CAMTA1: variants seen among roughly 807,000 people sequenced by gnomAD.
The protein encoded by CAMTA1 is calmodulin binding transcription activator 1.
CAMTA1 carries 27 observed loss-of-function variants against 170.9 expected under a neutral mutation model. That is an observed-to-expected ratio of 0.16 (90% CI 0.12 to 0.22). The LOEUF (loss-of-function observed/expected upper bound fraction) is 0.22. Among genes scored for constraint, CAMTA1 ranks in the 10% least tolerant of loss-of-function variants. The pLI, the probability that CAMTA1 is intolerant of heterozygous loss-of-function variation, is 1.00. For synonymous variants in CAMTA1, 833 were observed against 891.5 expected (o/e 0.93, Z 1.17); for missense variants, 1,619 against 2,217.2 (o/e 0.73, Z 5.42).
intron 4 of CAMTA1, among the ~76,000 whole-genome samples, chr1:7,239,847 A>G (rs939819140): frequency 6.6e-6 from 1 of 151,888 alleles, no homozygotes; most frequent in African/African-American, 2.4e-5. Context: ...TGGAAGGTGG[A>G]AGGGCAAGAG....
At position 7,682,030 on chromosome 1, in the gene CAMTA1, G is replaced by A. The variant is rs764169760; in HGVS notation, c.2914+4297G>A. Among the ~76,000 whole-genome samples, 9 of 140,040 alleles carry A rather than the reference G, an allele frequency of 6.4e-5. No homozygotes were observed. The highest frequency in any genetic ancestry group is 8.1e-5 in the African/African-American group (3 of 36,964). The allele number at this position is 140,040 out of a possible 152,430, so 91.9% of individuals were successfully genotyped here. The stretch of plus-strand genomic sequence containing the variant: ...GCCCTTCTTGGAACCCCACTAAGCC[G>A]CTTAGACTTAGACTCTATTTTCAGT... On this transcript the variant is annotated intron_variant, in intron 11 of 22. Coordinates refer to ENST00000303635, the MANE Select transcript of CAMTA1 (RefSeq NM_015215.4). The surrounding 1 kb of genome is among the most constrained non-coding windows in gnomAD (Gnocchi z 5.0).
At chr1:7,318,529 C>T (rs1018186393) in intron 5 of CAMTA1, among the ~76,000 whole-genome samples, 9 of 152,164 alleles carry the variant, frequency 5.9e-5, no homozygotes, top group African/African-American at 2.2e-4. Context: ...TGATTTTTCG[C>T]CTCCATCTTG....
chr1:7,714,249 A>C (rs1261705724), intron 11 of CAMTA1, among the ~76,000 whole-genome samples: 1 of 152,226 alleles, frequency 6.6e-6, no homozygotes, highest in African/African-American at 2.4e-5. Context: ...CTTAAAACCA[A>C]TGAACTATAG....
intron 4 of CAMTA1, among the ~76,000 whole-genome samples, chr1:7,185,660 G>A (rs184839221): frequency 2.0e-5 from 3 of 152,254 alleles, no homozygotes; most frequent in Admixed American, 6.5e-5. Context: ...AAGTAACATC[G>A]TGAAATCGGG....
At chr1:7,391,831 G>C (rs1235374884) in intron 5 of CAMTA1, among the ~76,000 whole-genome samples, 11 of 152,172 alleles carry the variant, frequency 7.2e-5, no homozygotes, top group Admixed American at 7.2e-4. Context: ...GTAGTTGCAT[G>C]TATCAGTACT....
chr1:7,212,945 ACTT>A (rs1190444100), intron 4 of CAMTA1, among the ~76,000 whole-genome samples: 1 of 152,218 alleles, frequency 6.6e-6, no homozygotes, highest in Non-Finnish European at 1.5e-5. Flanking sequence ...TTAAGAGTTT[ACTT>A]CTTTTTATTG....
intron 19 of CAMTA1, among the ~76,000 whole-genome samples, chr1:7,749,593 C>G (rs897550263): frequency 3.1e-4 from 47 of 149,840 alleles, no homozygotes; most frequent in African/African-American, 1.1e-3. Context: ...AGACAGAAGG[C>G]ATTATTTTTG....
At chr1:7,421,073 C>G (rs996642804) in intron 5 of CAMTA1, among the ~76,000 whole-genome samples, 3 of 152,226 alleles carry the variant, frequency 2.0e-5, no homozygotes, top group Non-Finnish European at 2.9e-5. Context: ...GGCCTTCATC[C>G]AGGACATTTC....
At chr1:7,438,188 C>T (rs1450317148) in intron 5 of CAMTA1, among the ~76,000 whole-genome samples, 2 of 152,124 alleles carry the variant, frequency 1.3e-5, no homozygotes, top group African/African-American at 4.8e-5. Flanking sequence ...GCCCATAGGG[C>T]TGCCACCTCC....
intron 4 of CAMTA1, among the ~76,000 whole-genome samples, chr1:7,168,208 A>G (rs1244724967): frequency 1.3e-5 from 2 of 152,172 alleles, no homozygotes; most frequent in African/African-American, 4.8e-5. Flanking sequence ...TATGTTAGGC[A>G]CTTTGGTGGA....
intron 22 of CAMTA1, among the ~76,000 whole-genome samples, chr1:7,764,528 T>G (rs2097002501): frequency 6.6e-6 from 1 of 152,248 alleles, no homozygotes; most frequent in Admixed American, 6.5e-5. Context: ...TGATTCTGCT[T>G]GGAAGTGGTA....
At chr1:7,392,324 C>T (rs1343668428) in intron 5 of CAMTA1, among the ~76,000 whole-genome samples, 1 of 147,732 alleles carries the variant, frequency 6.8e-6, no homozygotes, top group East Asian at 2.1e-4. Context: ...GGTGCAATCT[C>T]AGCTCACCGC....
intron 5 of CAMTA1, among the ~76,000 whole-genome samples, chr1:7,380,013 T>G (rs780816374): frequency 2.0e-5 from 3 of 152,246 alleles, no homozygotes; most frequent in Non-Finnish European, 4.4e-5. Context: ...TAATGGCAAT[T>G]TAATTAATTG....
chr1:7,555,906 G>T (rs1056980459), intron 6 of CAMTA1, among the ~76,000 whole-genome samples: 2 of 152,260 alleles, frequency 1.3e-5, no homozygotes, highest in Admixed American at 1.3e-4. Context: ...TTCCAAATGC[G>T]GGTTGTATTA....
chr1:7,477,741 G>C (rs1470598365), intron 6 of CAMTA1, among the ~76,000 whole-genome samples: 1 of 152,172 alleles, frequency 6.6e-6, no homozygotes, highest in Non-Finnish European at 1.5e-5. Context: ...TTTCTCAGAG[G>C]GTCCCCTTGC....
chr1:7,045,938 G>T (rs909670966), intron 3 of CAMTA1, among the ~76,000 whole-genome samples: 1 of 152,212 alleles, frequency 6.6e-6, no homozygotes, highest in African/African-American at 2.4e-5. Flanking sequence ...ATGCACTGAA[G>T]AAAATAAAAC....
At chr1:7,474,241 C>A (rs1021802486) in intron 6 of CAMTA1, among the ~76,000 whole-genome samples, 29 of 122,536 alleles carry the variant, frequency 2.4e-4, no homozygotes, top group Admixed American at 6.0e-4. Flanking sequence ...AGCTGTGTGA[C>A]TCTGGGCAGT....
At chr1:7,506,967 T>C (rs2094125273) in intron 6 of CAMTA1, among the ~76,000 whole-genome samples, 1 of 150,174 alleles carries the variant, frequency 6.7e-6, no homozygotes, top group Non-Finnish European at 1.5e-5. Flanking sequence ...CACTCAAAAT[T>C]TGCACTTGCT....
At chr1:7,656,784 T>G (rs2095907396) in intron 7 of CAMTA1, among the ~76,000 whole-genome samples, 1 of 152,236 alleles carries the variant, frequency 6.6e-6, no homozygotes, top group African/African-American at 2.4e-5. Flanking sequence ...GGGTAAATTG[T>G]TCATCAGAAG....
Sources: allele counts gnomAD v4.1 joint callset (sites outside exome capture counted in the v4.1 genomes callset), GRCh38; gene constraint gnomAD v4.1.1; non-coding constraint Gnocchi (gnomAD v3.1); transcripts MANE v1.5; gene names NCBI Gene and HGNC (gene_info 2026-07-23, HGNC 2026-07-21).